Variants in HHAT observed in about 807,000 individuals in gnomAD.
HHAT encodes the protein protein-cysteine N-palmitoyltransferase HHAT.
Under a neutral mutation model 70.8 loss-of-function variants are expected in HHAT, and 47 were observed. That is an observed-to-expected ratio of 0.66 (90% confidence interval 0.53 to 0.85). HHAT has a LOEUF of 0.85. HHAT is among the 40% of genes least tolerant of loss of function. The pLI, the probability that HHAT is intolerant of heterozygous loss-of-function variation, is 0.00. For missense variants in HHAT, 609 were observed against 604.8 expected, an observed-to-expected ratio of 1.01 and a Z score of -0.07; for synonymous variants, 228 against 247.6, an observed-to-expected ratio of 0.92 and a Z score of 0.74.
chr1:210,555,927 C>T (rs1041194963), intron 9 of HHAT, among the ~76,000 whole-genome samples: 3 of 152,150 alleles, frequency 2.0e-5, no homozygotes, highest in Non-Finnish European at 2.9e-5. Flanking sequence ...CCTACCAATA[C>T]ATTTGCTTAT....
intron 3 of HHAT, among the ~76,000 whole-genome samples, chr1:210,376,451 C>A (rs535075895): frequency 6.6e-6 from 1 of 152,284 alleles, no homozygotes; most frequent in East Asian, 1.9e-4. Context: ...TGTCTGAAAG[C>A]AGACGTCTCT....
intron 8 of HHAT, among the ~76,000 whole-genome samples, chr1:210,512,123 A>G (rs958567383): frequency 4.6e-5 from 7 of 152,142 alleles, no homozygotes; most frequent in Admixed American, 1.3e-4. Context: ...GCCCAGCGCT[A>G]TGGGATGCCT....
intron 4 of HHAT, among the ~76,000 whole-genome samples, chr1:210,399,027 G>T (rs947397673): frequency 1.3e-5 from 2 of 152,172 alleles, no homozygotes; most frequent in African/African-American, 4.8e-5. Context: ...TAGCATCAAA[G>T]CACGGGATTT....
chr1:210,387,384 C>CT (rs2091159271), intron 3 of HHAT, 84 bp from the exon 4 acceptor site: 5 of 1,159,314 alleles, frequency 4.3e-6, no homozygotes, highest in Non-Finnish European at 5.2e-6. Context: ...CACTGGCCTT[C>CT]TTTCCAGTTT....
intron 6 of HHAT, among the ~76,000 whole-genome samples, chr1:210,406,117 G>A (rs1462629771): frequency 6.6e-6 from 1 of 152,076 alleles, no homozygotes. Flanking sequence ...GGTAAGGTGG[G>A]CACAGCATAG....
At chr1:210,654,154 G>C (rs1675865308) in intron 11 of HHAT, among the ~76,000 whole-genome samples, 1 of 84,618 alleles carries the variant, frequency 1.2e-5, no homozygotes, top group Non-Finnish European at 2.5e-5. Flanking sequence ...TAGTGTGACA[G>C]TGGAATAGTG....
intron 4 of HHAT, among the ~76,000 whole-genome samples, chr1:210,391,759 C>CT (rs1302600968): frequency 6.6e-6 from 1 of 152,178 alleles, no homozygotes; most frequent in African/African-American, 2.4e-5. Context: ...TGTTAGCTGC[C>CT]TGAACTCATA....
At chr1:210,527,747 A>G (rs1036671671) in intron 9 of HHAT, among the ~76,000 whole-genome samples, 1 of 152,212 alleles carries the variant, frequency 6.6e-6, no homozygotes, top group Non-Finnish European at 1.5e-5. Context: ...GGGTGGCCCT[A>G]ATGAGTGGAG....
At chr1:210,335,781 C>T (rs1160866057) in intron 1 of HHAT, among the ~76,000 whole-genome samples, 12 of 152,128 alleles carry the variant, frequency 7.9e-5, no homozygotes, top group Admixed American at 6.5e-4. Context: ...ATCAAGATAA[C>T]AACATACACC....
intron 8 of HHAT, among the ~76,000 whole-genome samples, chr1:210,485,324 T>C (rs957150480): frequency 6.6e-6 from 1 of 152,188 alleles, no homozygotes; most frequent in Admixed American, 6.5e-5. Context: ...TCCTCCTCTC[T>C]GTAGACTCAG....
intron 8 of HHAT, among the ~76,000 whole-genome samples, chr1:210,508,587 G>C (rs1484880343): frequency 6.6e-6 from 1 of 152,112 alleles, no homozygotes; most frequent in Non-Finnish European, 1.5e-5. Context: ...TATGTTGCCT[G>C]ACTTATTGGT....
chr1:210,467,852 C>T (rs1432023891), intron 8 of HHAT, among the ~76,000 whole-genome samples: 2 of 152,176 alleles, frequency 1.3e-5, no homozygotes, highest in African/African-American at 4.8e-5. Context: ...CATCATCTTT[C>T]AGCCTACTTA....
intron 8 of HHAT, among the ~76,000 whole-genome samples, chr1:210,505,256 A>C (rs2094832892): frequency 2.0e-5 from 3 of 152,148 alleles, no homozygotes; most frequent in Admixed American, 2.0e-4. Context: ...ATGGAGCTGA[A>C]GATGGTATGA....
At position 210,400,451 on chromosome 1, in the gene HHAT, G is replaced by A; in HGVS notation, c.274-17G>A. 1 of 1,591,654 alleles carries A rather than the reference G, an allele frequency of 6.3e-7. No individual in the cohort carries two copies. Among genetic ancestry groups the A allele is most frequent in the Non-Finnish European group, 8.6e-7 (1 of 1,168,106 alleles). The stretch of plus-strand genomic sequence containing the variant: ...CTTCCTCCCTGTCTCTCTCTGGATG[G>A]GCCCCACCATTTGCAGCACAGACCC... On this transcript the variant is annotated splice_polypyrimidine_tract_variant and intron_variant, in intron 4 of 11. Transcript: ENST00000261458.
At chr1:210,521,434 C>T (rs544713830) in intron 9 of HHAT, among the ~76,000 whole-genome samples, 1 of 152,140 alleles carries the variant, frequency 6.6e-6, no homozygotes, top group Admixed American at 6.6e-5. Context: ...CTATACCTGA[C>T]CCTTTCGTAA....
intron 11 of HHAT, among the ~76,000 whole-genome samples, chr1:210,662,500 T>A (rs1677957313): frequency 6.6e-6 from 1 of 152,114 alleles, no homozygotes; most frequent in Admixed American, 6.6e-5. Context: ...CTAATTAGGC[T>A]GGAATAAAAA....
intron 4 of HHAT, 71 bp downstream of exon 4, chr1:210,387,652 T>C: frequency 8.3e-7 from 1 of 1,206,310 alleles, no homozygotes; most frequent in Non-Finnish European, 1.2e-6. Flanking sequence ...GAGTCCAAGC[T>C]AGGAATCGGA....
At chr1:210,639,690 C>T (rs185837086) in intron 11 of HHAT, among the ~76,000 whole-genome samples, 3 of 152,290 alleles carry the variant, frequency 2.0e-5, no homozygotes, top group East Asian at 3.9e-4. Context: ...AGCTGCATTC[C>T]CCATTATTAA....
intron 8 of HHAT, among the ~76,000 whole-genome samples, chr1:210,484,475 T>C (rs1365556115): frequency 6.8e-6 from 1 of 147,030 alleles, no homozygotes; most frequent in Non-Finnish European, 1.5e-5. Flanking sequence ...GTCTGATTTA[T>C]CCGCTGTTAC....
Sources: allele counts gnomAD v4.1 joint callset (sites outside exome capture counted in the v4.1 genomes callset), GRCh38; gene constraint gnomAD v4.1.1; transcripts MANE v1.5; gene names NCBI Gene and HGNC (gene_info 2026-07-23, HGNC 2026-07-21).